The following TP63 variants were observed in gnomAD, a reference collection of about 807,000 sequenced individuals.
TP63 encodes the protein tumor protein p63.
TP63 carries 17 observed loss-of-function variants against 82.8 expected under a neutral mutation model. The ratio of observed to expected loss-of-function variants is 0.21; its 90% CI spans 0.14 to 0.31. The LOEUF is 0.31. TP63 is among the 10% of genes least tolerant of loss of function. The pLI, the probability that TP63 is intolerant of heterozygous loss-of-function variation, is 1.00. For synonymous variants in TP63, 330 were observed against 321.7 expected, an observed-to-expected ratio of 1.03 and a Z score of -0.28; for missense variants, 648 against 895.3, an observed-to-expected ratio of 0.72 and a Z score of 3.52.
intron 4 of TP63, among the ~76,000 whole-genome samples, chr3:189,856,808 A>G (rs1259805937): frequency 6.6e-6 from 1 of 152,084 alleles, no homozygotes; most frequent in Non-Finnish European, 1.5e-5. Flanking sequence ...TGAAGGATAA[A>G]TCTAACAAAA....
At chr3:189,842,778 T>G (rs1714321210) in intron 4 of TP63, among the ~76,000 whole-genome samples, 1 of 152,200 alleles carries the variant, frequency 6.6e-6, no homozygotes, top group Non-Finnish European at 1.5e-5. Flanking sequence ...GGCCTTTTTC[T>G]CATGATGGTC....
At chr3:189,884,245 A>G (rs539631088) in intron 10 of TP63, among the ~76,000 whole-genome samples, 4 of 152,210 alleles carry the variant, frequency 2.6e-5, no homozygotes, top group East Asian at 1.9e-4. Context: ...AAGTGCAGCC[A>G]TATGTGCTGA....
At chr3:189,866,342 T>C (rs889118976) in intron 5 of TP63, among the ~76,000 whole-genome samples, 1 of 152,190 alleles carries the variant, frequency 6.6e-6, no homozygotes, top group African/African-American at 2.4e-5. Flanking sequence ...TATTTCCCTT[T>C]CATTTTCCAG....
chr3:189,704,080 C>G (rs1224431920), intron 1 of TP63, among the ~76,000 whole-genome samples: 1 of 152,238 alleles, frequency 6.6e-6, no homozygotes, highest in Non-Finnish European at 1.5e-5. Flanking sequence ...CATACATATC[C>G]TGTTTCCACT....
intron 4 of TP63, among the ~76,000 whole-genome samples, chr3:189,860,771 G>A (rs1716927528): frequency 6.6e-6 from 1 of 152,188 alleles, no homozygotes; most frequent in Non-Finnish European, 1.5e-5. Context: ...GACGTGGAGA[G>A]CAGAGGAAAA....
At chr3:189,635,533 C>A (rs554747774) in intron 1 of TP63, among the ~76,000 whole-genome samples, 3 of 152,050 alleles carry the variant, frequency 2.0e-5, no homozygotes, top group Non-Finnish European at 4.4e-5. Flanking sequence ...CAATCTCCTG[C>A]AGGAGAGTGA....
At chr3:189,693,760 G>A (rs564116850) in intron 1 of TP63, among the ~76,000 whole-genome samples, 3 of 152,254 alleles carry the variant, frequency 2.0e-5, no homozygotes, top group South Asian at 2.1e-4. Flanking sequence ...ATAGCTCTCT[G>A]ATCATTAGAT....
At chr3:189,777,153 T>C (rs1295147210) in intron 3 of TP63, among the ~76,000 whole-genome samples, 1 of 152,182 alleles carries the variant, frequency 6.6e-6, no homozygotes, top group Non-Finnish European at 1.5e-5. Context: ...TTCCATCTCA[T>C]GTCATTCCAG....
chr3:189,783,997 A>T (rs543474030), intron 3 of TP63, among the ~76,000 whole-genome samples: 1 of 152,020 alleles, frequency 6.6e-6, no homozygotes. Context: ...ATTATATTGC[A>T]TATGATCTCA....
chr3:189,832,130 C>T (rs934711515), intron 4 of TP63, among the ~76,000 whole-genome samples: 2 of 152,012 alleles, frequency 1.3e-5, no homozygotes, highest in African/African-American at 4.8e-5. Flanking sequence ...ACGCCCAGCA[C>T]TATAATGCTT....
intron 10 of TP63, chr3:189,873,235 T>C: frequency 3.4e-6 from 2 of 588,028 alleles, no homozygotes; most frequent in Non-Finnish European, 3.0e-6. Flanking sequence ...TTCTGGTGAA[T>C]TACAAAGAAA....
At chr3:189,828,348 G>A (rs1265798473) in intron 4 of TP63, among the ~76,000 whole-genome samples, 1 of 151,976 alleles carries the variant, frequency 6.6e-6, no homozygotes, top group African/African-American at 2.4e-5. Context: ...ATATATTTTA[G>A]AGATAGAAAC....
intron 5 of TP63, 95 bp from the exon 6 acceptor site, chr3:189,866,587 T>C: frequency 1.8e-6 from 2 of 1,128,110 alleles, no homozygotes; most frequent in Non-Finnish European, 2.6e-6. Context: ...ACAGACTATT[T>C]CTTTTGCCAC....
In TP63 at chr3:189,896,431, G is replaced by A. The variant is rs1403146392; in HGVS notation, c.*1929G>A. The A allele has an allele frequency of 1.0e-5, 2 of 200,180 alleles. No homozygotes were observed. The highest frequency in any genetic ancestry group is 2.1e-5 in the Non-Finnish European group (2 of 97,026). 12.4% of individuals were successfully genotyped at this position (200,180 alleles called of 1,614,324 possible). A position where few individuals can be genotyped will look rare whatever the true frequency, so the allele number is the denominator to read the frequency against. On this transcript the variant is annotated 3_prime_UTR_variant, in exon 14 of 14. Transcript: ENST00000264731. Reference sequence around the variant, plus strand: ...AATGCTACAATTTTAAGAGGGGAGGGAAGGGAAAGTTTTTTTTTATTATTT... The same window carrying A: ...AATGCTACAATTTTAAGAGGGGAGGAAAGGGAAAGTTTTTTTTTATTATTT...
chr3:189,805,120 G>C (rs1726745318), intron 3 of TP63, among the ~76,000 whole-genome samples: 1 of 152,096 alleles, frequency 6.6e-6, no homozygotes, highest in African/African-American at 2.4e-5. Flanking sequence ...CTTCTTTGTT[G>C]CTTCTCAATG....
the TP63 span, among the ~76,000 whole-genome samples, chr3:189,601,857 G>A: frequency 3.3e-5 from 5 of 152,142 alleles, no homozygotes; most frequent in African/African-American, 9.7e-5. Flanking sequence ...CCAACTTCCA[G>A]CTTCCAATAA....
intron 3 of TP63, among the ~76,000 whole-genome samples, chr3:189,791,883 A>G (rs1208784185): frequency 6.6e-6 from 1 of 152,114 alleles, no homozygotes; most frequent in Non-Finnish European, 1.5e-5. Flanking sequence ...GTTATAATGT[A>G]TAGGGATTTA....
At chr3:189,843,217 C>G (rs906159767) in intron 4 of TP63, among the ~76,000 whole-genome samples, 2 of 152,210 alleles carry the variant, frequency 1.3e-5, no homozygotes, top group Non-Finnish European at 2.9e-5. Context: ...ACACATTACT[C>G]CCTGCAGAGG....
At chr3:189,867,975 C>G (rs369196453) in intron 7 of TP63, 33 bp downstream of exon 7, 3 of 1,571,886 alleles carry the variant, frequency 1.9e-6, no homozygotes, top group Non-Finnish European at 8.7e-7. Flanking sequence ...TCATTCTACA[C>G]AAAAAATCAC....
Sources: allele counts gnomAD v4.1 joint callset (sites outside exome capture counted in the v4.1 genomes callset), GRCh38; gene constraint gnomAD v4.1.1; transcripts MANE v1.5; gene names NCBI Gene and HGNC (gene_info 2026-07-23, HGNC 2026-07-21).